GRIN2B: variants seen among roughly 807,000 people sequenced by gnomAD.
The protein encoded by GRIN2B is glutamate receptor ionotropic, NMDA 2B.
GRIN2B carries 5 observed loss-of-function variants against 114.5 expected under a neutral mutation model. That is an observed-to-expected ratio of 0.04 (90% CI 0.02 to 0.09). GRIN2B has a LOEUF of 0.09. GRIN2B is among the 10% of genes least tolerant of loss of function. The pLI is 1.00. For missense variants in GRIN2B, 1,108 were observed against 1,943.5 expected, an observed-to-expected ratio of 0.57 and a Z score of 8.08; for synonymous variants, 787 against 745.1, an observed-to-expected ratio of 1.06 and a Z score of -0.92.
chr12:13,613,507 G>C (rs1248694323), intron 8 of GRIN2B, among the ~76,000 whole-genome samples: 1 of 152,078 alleles, frequency 6.6e-6, no homozygotes, highest in Non-Finnish European at 1.5e-5. Context: ...GAGCCAAAAA[G>C]TCTGTGTTTT....
intron 3 of GRIN2B, among the ~76,000 whole-genome samples, chr12:13,805,932 A>G (rs539703984): frequency 2.0e-5 from 3 of 152,096 alleles, no homozygotes; most frequent in Non-Finnish European, 4.4e-5. Flanking sequence ...GTCTGCTTCT[A>G]TGAGTTCAAC....
intron 2 of GRIN2B, among the ~76,000 whole-genome samples, chr12:13,972,687 A>G (rs1171899795): frequency 1.3e-5 from 2 of 152,232 alleles, no homozygotes; most frequent in African/African-American, 4.8e-5. Context: ...TTTAGGCCAC[A>G]TGGCCAACCT....
intron 3 of GRIN2B, among the ~76,000 whole-genome samples, chr12:13,842,389 C>T (rs1865393558): frequency 6.6e-6 from 1 of 152,094 alleles, no homozygotes; most frequent in Non-Finnish European, 1.5e-5. Context: ...TATACCACAC[C>T]CGGCTTTTGT....
intron 2 of GRIN2B, among the ~76,000 whole-genome samples, chr12:13,873,982 G>C (rs1452497498): frequency 6.6e-6 from 1 of 152,168 alleles, no homozygotes; most frequent in African/African-American, 2.4e-5. Flanking sequence ...AAAAGACATA[G>C]GCTTTGATTA....
intron 3 of GRIN2B, among the ~76,000 whole-genome samples, chr12:13,858,628 C>T (rs80060222): frequency 0.054 from 8,283 of 152,148 alleles, 319 homozygotes; most frequent in Non-Finnish European, 0.089. Context: ...TACTACTTCC[C>T]ACCTAGTACC....
At chr12:13,835,767 A>G (rs71459104) in intron 3 of GRIN2B, among the ~76,000 whole-genome samples, 1 of 122,728 alleles carries the variant, frequency 8.1e-6, no homozygotes, top group Admixed American at 8.5e-5. Flanking sequence ...AAAACATAGC[A>G]CATTAAAAAA....
At chr12:13,579,695 T>C (rs1948821347) in intron 10 of GRIN2B, among the ~76,000 whole-genome samples, 1 of 151,904 alleles carries the variant, frequency 6.6e-6, no homozygotes, top group South Asian at 2.1e-4. Flanking sequence ...GCAGAACAGG[T>C]TGAAAGGAGT....
chr12:13,872,046 T>C lies in GRIN2B; in HGVS notation c.-18-5820A>G, dbSNP rs76813137. Among the ~76,000 whole-genome samples the C allele has an allele frequency of 3.3e-3, 498 of 152,190 alleles. 4 individuals are homozygous for C. The highest frequency in any genetic ancestry group is 0.011 in the African/African-American group (471 of 41,562). On this transcript the variant is annotated intron_variant, in intron 2 of 13. Transcript: ENST00000609686. ...GAAGCAAAAGTGGTACAGATGGTTT[T>C]ATAGATTAAGTATATCAAACTTTTA...
chr12:13,726,197 A>C (rs184473259), intron 4 of GRIN2B, among the ~76,000 whole-genome samples: 129 of 152,078 alleles, frequency 8.5e-4, no homozygotes, highest in Non-Finnish European at 1.6e-3. Context: ...AGCTTCAAAG[A>C]CTCATAATAG....
intron 4 of GRIN2B, among the ~76,000 whole-genome samples, chr12:13,684,059 C>T (rs995447520): frequency 2.0e-4 from 30 of 152,078 alleles, no homozygotes; most frequent in Non-Finnish European, 7.4e-5. Context: ...TCTCTCATTC[C>T]TATAACATCC....
intron 3 of GRIN2B, among the ~76,000 whole-genome samples, chr12:13,838,975 T>G (rs1244981664): frequency 1.3e-5 from 2 of 152,206 alleles, no homozygotes; most frequent in East Asian, 1.9e-4. Flanking sequence ...GCTCATCAGA[T>G]AGCAGTCATT....
chr12:13,877,892 G>A (rs1330242341), intron 2 of GRIN2B, among the ~76,000 whole-genome samples: 7 of 151,692 alleles, frequency 4.6e-5, no homozygotes, highest in Non-Finnish European at 7.4e-5. Context: ...GTGAAACTGC[G>A]TCTCTACTAA....
intron 10 of GRIN2B, among the ~76,000 whole-genome samples, chr12:13,595,002 C>A (rs1259718935): frequency 6.6e-6 from 1 of 152,136 alleles, no homozygotes; most frequent in Admixed American, 6.6e-5. Flanking sequence ...CCCAGCATGA[C>A]AATTACATAA....
intron 2 of GRIN2B, among the ~76,000 whole-genome samples, chr12:13,932,996 T>TGTGCATGTGC (rs1178103926): frequency 1.5e-5 from 2 of 131,788 alleles, no homozygotes; most frequent in Admixed American, 7.1e-5. Context: ...TGCGTGTGCG[T>TGTGCATGTGC]GTGTGTGTGT....
chr12:13,950,816 T>A (rs766534941), intron 2 of GRIN2B, among the ~76,000 whole-genome samples: 1 of 152,182 alleles, frequency 6.6e-6, no homozygotes, highest in Non-Finnish European at 1.5e-5. Flanking sequence ...AAAATATTAC[T>A]TTGGTAAAGC....
chr12:13,855,143 G>A (rs1401884892), intron 3 of GRIN2B, among the ~76,000 whole-genome samples: 1 of 151,458 alleles, frequency 6.6e-6, no homozygotes, highest in Non-Finnish European at 1.5e-5. Context: ...ACTTGAACCT[G>A]GGAGGCAAAG....
intron 3 of GRIN2B, among the ~76,000 whole-genome samples, chr12:13,790,185 T>C: frequency 6.6e-6 from 1 of 152,194 alleles, no homozygotes; most frequent in Non-Finnish European, 1.5e-5. Flanking sequence ...AGCCCCTCTG[T>C]AGTAAATCTC....
chr12:13,786,157 G>A lies in GRIN2B; in HGVS notation c.412-32242C>T, dbSNP rs540542392. On this transcript the variant is annotated intron_variant, in intron 3 of 13. Coordinates refer to ENST00000609686, the MANE Select transcript of GRIN2B (RefSeq NM_000834.5). ...CCACTTTTTCAGTAAAGAACGCCTC[G>A]ACTAAACTAAGCAGGTACATTTCAT... Among the ~76,000 whole-genome samples the A allele has an allele frequency of 7.9e-5, 12 of 152,196 alleles. 1 individual carries two copies. Among genetic ancestry groups the A allele is most frequent in the African/African-American group, 2.2e-4 (9 of 41,540 alleles).
intron 10 of GRIN2B, among the ~76,000 whole-genome samples, chr12:13,586,984 C>T (rs765331211): frequency 6.6e-6 from 1 of 152,096 alleles, no homozygotes; most frequent in South Asian, 2.1e-4. Flanking sequence ...ATGTACGAGA[C>T]CCTATTTTAA....
Sources: allele counts gnomAD v4.1 joint callset (sites outside exome capture counted in the v4.1 genomes callset), GRCh38; gene constraint gnomAD v4.1.1; transcripts MANE v1.5; gene names NCBI Gene and HGNC (gene_info 2026-07-23, HGNC 2026-07-21).